Variants in KMT2C observed in about 807,000 individuals in gnomAD.
The protein encoded by KMT2C is histone-lysine N-methyltransferase 2C.
In KMT2C, 88 loss-of-function variants were observed where a neutral mutation model predicts 507.9. That is an observed-to-expected ratio of 0.17 (90% confidence interval 0.15 to 0.21). KMT2C has a LOEUF of 0.21. Among genes scored for constraint, KMT2C ranks in the 10% least tolerant of loss-of-function variants. The pLI, the probability that KMT2C is intolerant of heterozygous loss-of-function variation, is 1.00. For missense variants in KMT2C, 4,954 were observed against 5,957.8 expected (o/e 0.83, Z 5.55); for synonymous variants, 2,049 against 2,080.8 (o/e 0.98, Z 0.42).
Position 152,171,145 on chromosome 7 carries a change from G to A in KMT2C, c.9453+119C>T, listed in dbSNP as rs560030722. 2.7e-4 allele frequency: 145 copies of A among 535,354 alleles called. 3 individuals are homozygous for A. In the South Asian group the frequency reaches 7.0e-3, roughly 26 times the overall value. 33.2% of individuals were successfully genotyped at this position (535,354 alleles called of 1,614,324 possible). On this transcript the variant is annotated intron_variant, in intron 40 of 58. Transcript: ENST00000262189. ...TGGCAAATGGCATATGGTGAAATCC[G>A]CATTTACTTCTGCACAAACCTAGTA...
chr7:152,330,575 C>A, intron 3 of KMT2C, 26 bp downstream of exon 3: 1 of 1,608,996 alleles, frequency 6.2e-7, no homozygotes, highest in East Asian at 2.2e-5. Flanking sequence ...CACTAATATC[C>A]AATCCAGCTG....
intron 23 of KMT2C, among the ~76,000 whole-genome samples, chr7:152,211,817 G>A (rs1019726116): frequency 4.6e-5 from 7 of 152,018 alleles, no homozygotes; most frequent in Admixed American, 3.3e-4. Context: ...GGGAGGCTGA[G>A]GCGGGCGGAT....
chr7:152,368,307 T>C (rs1305124907), intron 1 of KMT2C: 45 of 1,186,270 alleles, frequency 3.8e-5, no homozygotes, highest in Middle Eastern at 5.5e-4. Flanking sequence ...CTGTGACTTA[T>C]AATGGAGTTG....
chr7:152,176,483 G>A lies in KMT2C; in HGVS notation c.8970C>T (p.Asn2990=), dbSNP rs761653565. The stretch of plus-strand genomic sequence containing the variant: ...TTGATTGACCTGGAATGAGCCCTGG[G>A]TTTACCTGCACACCCTGAGAAAAAA... ...NHVFSQGVQV[N]PGLIPGQSTV... is the part of the protein sequence containing the mutation. The change falls in exon 38 of 59, where the codon AAC becomes AAT. Residue 2990 remains asparagine (N), a synonymous_variant. Transcript: ENST00000262189. The A allele has an allele frequency of 1.5e-5, 24 of 1,614,142 alleles. No homozygotes were observed. The African/African-American group carries it at 2.8e-4, about 19-fold the overall frequency.
rs901284997 is a variant in KMT2C at position 152,180,106 on chromosome 7, G to C, written c.7170C>G (p.Ile2390Met). The change falls in exon 37 of 59, where the codon ATC becomes ATG. Residue 2390 changes from isoleucine (I) to methionine (M), a missense_variant. Ile to Met is a conservative substitution (Grantham distance 10). This residue lies in a region of KMT2C where 1,689 missense variants were observed against 1,654.3 expected (regional missense o/e 1.02). Transcript: ENST00000262189. ...KLRQRQKLREIILQQQQQKKI... is the reference protein window; with the variant it reads ...KLRQRQKLREMILQQQQQKKI... ...TCTTCTGCTGTTGCTGCTGGAGAAT[G>C]ATTTCACGTAACTTCTGCCGCTAAA... 2 of 1,613,992 alleles carry C rather than the reference G, an allele frequency of 1.2e-6. No homozygotes were observed. Among genetic ancestry groups the C allele is most frequent in the Admixed American group, 1.7e-5 (1 of 59,998 alleles).
rs776127647 is a variant in KMT2C, at chr7:152,139,658, G to A, written c.14460+17C>T. 5.9e-6 allele frequency: 9 copies of A among 1,527,564 alleles called. No homozygotes were observed. The highest frequency in any genetic ancestry group is 5.6e-5 in the South Asian group (5 of 89,344). The allele number at this position is 1,527,564 out of a possible 1,614,324, so 94.6% of individuals were successfully genotyped here. ...ATGATGGTGCTGTGTATACAATCTC[G>A]GGGACCAGACACCTACCTGAGACTC... On this transcript the variant is annotated intron_variant, in intron 56 of 58. Coordinates refer to ENST00000262189, the MANE Select transcript of KMT2C (RefSeq NM_170606.3).
intron 31 of KMT2C, among the ~76,000 whole-genome samples, chr7:152,192,758 T>A (rs939847865): frequency 7.2e-5 from 11 of 152,226 alleles, no homozygotes; most frequent in Non-Finnish European, 1.3e-4. Context: ...TTACAAATTA[T>A]TCACACACTT....
chr7:152,160,598 G>A (rs2092386415), intron 43 of KMT2C, among the ~76,000 whole-genome samples: 1 of 149,072 alleles, frequency 6.7e-6, no homozygotes, highest in South Asian at 2.1e-4. Flanking sequence ...TGAGTGGCAA[G>A]AACCTAAAAA....
In KMT2C at chr7:152,162,405, C is replaced by T. The variant is rs1054637537; in HGVS notation, c.11172G>A (p.Glu3724=). 2.5e-6 allele frequency: 4 copies of T among 1,614,234 alleles called. No homozygotes were observed. The highest frequency in any genetic ancestry group is 2.5e-6 in the Non-Finnish European group (3 of 1,180,046). ...KTEEIKLEKA[E]TESCPGQEEP... is the part of the protein sequence containing the mutation. ...CCTCTTGGCCTGGGCAGGACTCTGTCTCAGCCTTTTCCAGTTTTATCTCTT... is the reference window on the plus strand; with the variant it reads ...CCTCTTGGCCTGGGCAGGACTCTGTTTCAGCCTTTTCCAGTTTTATCTCTT... The change falls in exon 43 of 59, where the codon GAG becomes GAA. Residue 3724 remains glutamate (E), a synonymous_variant. Coordinates refer to ENST00000262189, the MANE Select transcript of KMT2C (RefSeq NM_170606.3).
chr7:152,336,502 G>C (rs2096937247), intron 2 of KMT2C, among the ~76,000 whole-genome samples: 1 of 152,166 alleles, frequency 6.6e-6, no homozygotes, highest in South Asian at 2.1e-4. Context: ...TACAAACCCA[G>C]TGATATCTGA....
In KMT2C at chr7:152,185,435, C is replaced by T. The variant is rs913155687; in HGVS notation, c.5082+123G>A. On this transcript the variant is annotated intron_variant, in intron 34 of 58. Transcript: ENST00000262189. ...GAAAATCACTTTAAAAATAAAGTTG[C>T]TTGTTGTACAGGTACTAACAAGCAT... 2.8e-5 allele frequency: 18 copies of T among 634,948 alleles called. No homozygotes were observed. In the African/African-American group the frequency reaches 3.1e-4, roughly 11 times the overall value. 39.3% of individuals were successfully genotyped at this position (634,948 alleles called of 1,614,324 possible).
At chr7:152,232,227 T>C (rs1017027493) in intron 16 of KMT2C, among the ~76,000 whole-genome samples, 8 of 152,250 alleles carry the variant, frequency 5.3e-5, no homozygotes, top group Non-Finnish European at 7.3e-5. Context: ...GAGCAATTTA[T>C]AGTCATATGA....
At position 152,181,852 on chromosome 7, in the gene KMT2C, G is replaced by A. The variant is rs587778495; in HGVS notation, c.6008C>T (p.Thr2003Ile). 4 of 1,614,062 alleles carry A rather than the reference G, an allele frequency of 2.5e-6. No individual in the cohort carries two copies. The Admixed American group carries it at 6.7e-5, about 27-fold the overall frequency. The change falls in exon 36 of 59, where the codon ACC becomes ATC. Residue 2003 changes from threonine (T) to isoleucine (I), a missense_variant. Physicochemically the swap from Thr to Ile is moderately conservative, Grantham distance 89. This residue lies in a region of KMT2C where 1,689 missense variants were observed against 1,654.3 expected (regional missense o/e 1.02). Coordinates refer to ENST00000262189, the MANE Select transcript of KMT2C (RefSeq NM_170606.3). ...QTAKGPIAAGTSDHFTKPSPR... is the reference protein window; with the variant it reads ...QTAKGPIAAGISDHFTKPSPR... ...AGATGGTTTAGTAAAGTGATCACTG[G>A]TTCCAGCTGCTATAGGGCCTTTTGC...
chr7:152,338,373 T>C (rs745991060), intron 2 of KMT2C, among the ~76,000 whole-genome samples: 9 of 152,134 alleles, frequency 5.9e-5, no homozygotes, highest in African/African-American at 9.7e-5. Flanking sequence ...ATTACAAAGA[T>C]AGTCAAGATC....
chr7:152,276,061 G>A (rs924549615), intron 6 of KMT2C, among the ~76,000 whole-genome samples: 2 of 152,076 alleles, frequency 1.3e-5, no homozygotes, highest in Non-Finnish European at 2.9e-5. Flanking sequence ...AAACTACTAT[G>A]AGAAGTACTG....
chr7:152,413,682 C>T (rs1292630780), intron 1 of KMT2C, among the ~76,000 whole-genome samples: 2 of 151,416 alleles, frequency 1.3e-5, no homozygotes, highest in South Asian at 2.1e-4. Context: ...GTCAGGAGTT[C>T]GAGACCAGCC....
intron 31 of KMT2C, among the ~76,000 whole-genome samples, chr7:152,192,227 T>C (rs1017053182): frequency 2.0e-5 from 3 of 152,116 alleles, no homozygotes; most frequent in African/African-American, 7.2e-5. Flanking sequence ...AGAGAAATAC[T>C]GAATAGTTCT....
In KMT2C at chr7:152,181,426, T is replaced by C; in HGVS notation, c.6434A>G (p.Tyr2145Cys). 6 of 1,613,988 alleles carry C rather than the reference T, an allele frequency of 3.7e-6. No homozygotes were observed. The highest frequency in any genetic ancestry group is 5.1e-6 in the Non-Finnish European group (6 of 1,179,988). Residue 2145 changes from tyrosine (Y) to cysteine (C), a missense_variant, in exon 36 of 59, where the codon TAT (tyrosine) becomes TGT (cysteine). Tyr to Cys is a radical substitution (Grantham distance 194). This residue lies in a region of KMT2C where 1,689 missense variants were observed against 1,654.3 expected (regional missense o/e 1.02). Coordinates refer to ENST00000262189, the MANE Select transcript of KMT2C (RefSeq NM_170606.3). ...CCTAGCTGTTCCTGAAGATTGGGAA[T>C]AAGAATCTACAACAGGTCGTGGAGT... is the stretch of plus-strand genomic sequence containing the variant. Reference protein sequence around the residue: ...PGTPRPVVDSYSQSSGTARSN... With the variant: ...PGTPRPVVDSCSQSSGTARSN...
At chr7:152,160,209 A>T (rs1190462272) in intron 43 of KMT2C, among the ~76,000 whole-genome samples, 1 of 152,154 alleles carries the variant, frequency 6.6e-6, no homozygotes, top group Non-Finnish European at 1.5e-5. Context: ...TTTTTAGCTC[A>T]TGGAGGGAGG....
Sources: gnomAD v4.1 joint callset for allele counts (sites outside exome capture counted in the v4.1 genomes callset) on GRCh38, gnomAD v4.1.1 for gene constraint, gnomAD v4.1.1 regional missense constraint, MANE v1.5 for transcripts, NCBI Gene and HGNC (gene_info 2026-07-23, HGNC 2026-07-21) for gene names.